LDLRAD4: variants seen among roughly 807,000 people sequenced by gnomAD.
The protein encoded by LDLRAD4 is low-density lipoprotein receptor class A domain-containing protein 4.
Under a neutral mutation model 17.0 loss-of-function variants are expected in LDLRAD4, and 5 were observed. The ratio of observed to expected loss-of-function variants is 0.29; its 90% confidence interval spans 0.15 to 0.62. LDLRAD4 has a LOEUF of 0.62. Ranked by LOEUF, LDLRAD4 falls within the 20% of genes least tolerant of loss-of-function variation. The pLI is 0.84. For missense variants in LDLRAD4, 340 were observed against 424.7 expected (o/e 0.80, Z 1.75); for synonymous variants, 168 against 171.8 (o/e 0.98, Z 0.17).
intron 1 of LDLRAD4, among the ~76,000 whole-genome samples, chr18:13,262,435 C>T (rs866516016): frequency 0.096 from 6,586 of 68,732 alleles, 55 homozygotes; most frequent in Admixed American, 0.17. Flanking sequence ...TGGCCCTGTG[C>T]GTGGAAACTG....
At chr18:13,231,986 G>C in intron 1 of LDLRAD4, among the ~76,000 whole-genome samples, 1 of 152,226 alleles carries the variant, frequency 6.6e-6, no homozygotes. Context: ...GCAGCTTGGT[G>C]GCTGGGCAGG....
intron 3 of LDLRAD4, among the ~76,000 whole-genome samples, chr18:13,586,568 T>G (rs1386584205): frequency 2.0e-4 from 31 of 151,938 alleles, no homozygotes; most frequent in African/African-American, 7.0e-4. Flanking sequence ...CACATCCATA[T>G]ATACAAGGAT....
At chr18:13,314,650 G>A (rs2080833770) in intron 1 of LDLRAD4, among the ~76,000 whole-genome samples, 1 of 152,222 alleles carries the variant, frequency 6.6e-6, no homozygotes, top group African/African-American at 2.4e-5. Flanking sequence ...AGCTGGATAG[G>A]TGAAGAACAA....
At position 13,448,816 on chromosome 18, in the gene LDLRAD4, A is replaced by G. The variant is rs151194485; in HGVS notation, c.181+10432A>G. Among the ~76,000 whole-genome samples the G allele has an allele frequency of 1.3e-3, 199 of 152,318 alleles. 1 individual carries two copies. The highest frequency in any genetic ancestry group is 4.6e-3 in the African/African-American group (193 of 41,568). ...ACTTGGAAGGGACCATCTTTGAGTA[A>G]CTGAAGAAATAAAGCTGAAGTCTAA... On this transcript the variant is annotated intron_variant, in intron 3 of 5. Coordinates refer to ENST00000359446, the Ensembl canonical transcript of LDLRAD4.
At chr18:13,428,828 C>T (rs930221441) in intron 2 of LDLRAD4, among the ~76,000 whole-genome samples, 2 of 152,058 alleles carry the variant, frequency 1.3e-5, no homozygotes, top group Non-Finnish European at 2.9e-5. Context: ...GGGGGAGTGA[C>T]TTTGGGTGGG....
intron 1 of LDLRAD4, among the ~76,000 whole-genome samples, chr18:13,353,146 T>C (rs8085540): frequency 0.085 from 12,996 of 152,196 alleles, 1,579 homozygotes; most frequent in African/African-American, 0.27. Context: ...TTCTTCATTT[T>C]TGTAAGCCAT....
intron 1 of LDLRAD4, among the ~76,000 whole-genome samples, chr18:13,270,513 A>G (rs1223800843): frequency 6.6e-6 from 1 of 152,240 alleles, no homozygotes. Flanking sequence ...ACAGCACTGG[A>G]AGCCAAGGCA....
chr18:13,498,949 G>A (rs140108831), intron 3 of LDLRAD4, among the ~76,000 whole-genome samples: 44 of 118,936 alleles, frequency 3.7e-4, no homozygotes, highest in South Asian at 1.1e-3. Flanking sequence ...AATCCTTCTC[G>A]CCATACATGT....
rs79601026 is a variant in LDLRAD4 at position 13,645,162 on chromosome 18, A to G, written c.426A>G (p.Thr142=). The G allele has an allele frequency of 6.2e-7, 1 of 1,613,562 alleles. No individual in the cohort carries two copies. The highest frequency in any genetic ancestry group is 1.7e-5 in the Admixed American group (1 of 59,986). Reference sequence around the variant, plus strand: ...CCCCGCGGTCCAGGGACAGGTTCACAGCGCCGTCCTTCATCCAGAGGGATC... The same window carrying G: ...CCCCGCGGTCCAGGGACAGGTTCACGGCGCCGTCCTTCATCCAGAGGGATC... Residue 142 remains threonine, a synonymous_variant, in exon 6 of 6, where the codon ACA becomes ACG. Transcript: ENST00000359446. The surrounding 1 kb of genome is among the most constrained non-coding windows in gnomAD (Gnocchi z 5.7).
intron 4 of LDLRAD4, chr18:13,642,531 C>T: frequency 8.1e-7 from 1 of 1,227,718 alleles, no homozygotes; most frequent in Non-Finnish European, 1.0e-6. Context: ...TTGCATCTGC[C>T]CTGTGAATAG....
At chr18:13,314,210 C>T (rs1197747028) in intron 1 of LDLRAD4, among the ~76,000 whole-genome samples, 5 of 152,072 alleles carry the variant, frequency 3.3e-5, no homozygotes, top group Non-Finnish European at 5.9e-5. Flanking sequence ...TTCCTAATGG[C>T]TCTGGATTTC....
At chr18:13,434,568 A>G (rs1475411735) in intron 2 of LDLRAD4, among the ~76,000 whole-genome samples, 1 of 152,198 alleles carries the variant, frequency 6.6e-6, no homozygotes, top group Non-Finnish European at 1.5e-5. Context: ...ACATATTTTT[A>G]AAAATTTTCC....
chr18:13,259,328 C>T (rs746162620), intron 1 of LDLRAD4, among the ~76,000 whole-genome samples: 2 of 152,126 alleles, frequency 1.3e-5, no homozygotes, highest in Admixed American at 1.3e-4. Context: ...ACACACACCA[C>T]CATGCCTGGC....
At chr18:13,316,059 G>T (rs1214688449) in intron 1 of LDLRAD4, among the ~76,000 whole-genome samples, 1 of 152,072 alleles carries the variant, frequency 6.6e-6, no homozygotes. Context: ...GAGAGATGGG[G>T]GTGCCAGCAG....
intron 4 of LDLRAD4, among the ~76,000 whole-genome samples, chr18:13,625,931 G>A (rs949552934): frequency 6.6e-6 from 1 of 150,658 alleles, no homozygotes; most frequent in African/African-American, 2.5e-5. Context: ...CCTTGGCCTG[G>A]GACAGTGCAT....
intron 1 of LDLRAD4, among the ~76,000 whole-genome samples, chr18:13,258,938 T>C (rs2043652162): frequency 6.6e-6 from 1 of 152,216 alleles, no homozygotes; most frequent in South Asian, 2.1e-4. Flanking sequence ...GGCCAAGTGC[T>C]GCTGCTGTGT....
chr18:13,628,903 T>G (rs1435133446), intron 4 of LDLRAD4, among the ~76,000 whole-genome samples: 1 of 152,206 alleles, frequency 6.6e-6, no homozygotes, highest in Non-Finnish European at 1.5e-5. Context: ...TGATCATAAC[T>G]CACTGCAGCC....
chr18:13,472,507 C>T (rs1443167947), intron 3 of LDLRAD4: 1 of 152,248 alleles, frequency 6.6e-6, no homozygotes, highest in African/African-American at 2.4e-5. Flanking sequence ...GGATCCCGAC[C>T]CTGTCCAGGC....
At chr18:13,244,610 G>A (rs1248554270) in intron 1 of LDLRAD4, among the ~76,000 whole-genome samples, 1 of 152,176 alleles carries the variant, frequency 6.6e-6, no homozygotes, top group Admixed American at 6.5e-5. Context: ...TGACCCATGT[G>A]GGTTGTATTG....
Sources: gnomAD v4.1 joint callset for allele counts (sites outside exome capture counted in the v4.1 genomes callset) on GRCh38, gnomAD v4.1.1 for gene constraint, Gnocchi (gnomAD v3.1) non-coding constraint, MANE v1.5 for transcripts, NCBI Gene and HGNC (gene_info 2026-07-23, HGNC 2026-07-21) for gene names.